PRIM1: variants seen among roughly 807,000 people sequenced by gnomAD.
PRIM1 encodes the protein DNA primase subunit 1, also known as DNA primase small subunit.
Under a neutral mutation model 60.2 loss-of-function variants are expected in PRIM1, and 38 were observed. The observed-to-expected ratio is 0.63, with a 90% confidence interval of 0.49 to 0.83. The LOEUF (loss-of-function observed/expected upper bound fraction) is 0.83. PRIM1 is among the 40% of genes least tolerant of loss of function. The pLI, the probability that PRIM1 is intolerant of heterozygous loss-of-function variation, is 0.00. For synonymous variants in PRIM1, 158 were observed against 160.2 expected, an observed-to-expected ratio of 0.99 and a Z score of 0.10; for missense variants, 388 against 506.2, an observed-to-expected ratio of 0.77 and a Z score of 2.24.
At chr12:56,750,065 G>T (rs1303964846) in intron 2 of PRIM1, among the ~76,000 whole-genome samples, 1 of 152,154 alleles carries the variant, frequency 6.6e-6, no homozygotes, top group Non-Finnish European at 1.5e-5. Flanking sequence ...ATAGAAATGG[G>T]TTTTAGGCAG....
intron 12 of PRIM1, 139 bp from the exon 13 acceptor site, chr12:56,731,873 C>T (rs938034997): frequency 8.7e-6 from 6 of 690,208 alleles, no homozygotes; most frequent in Middle Eastern, 2.9e-4. Context: ...TTGCTGAAGT[C>T]CACATCATAG....
At position 56,746,998 on chromosome 12, in the gene PRIM1, A is replaced by T. The variant is rs1341499146; in HGVS notation, c.296T>A (p.Phe99Tyr). The change falls in exon 3 of 13, where the codon TTC becomes TAC. Residue 99 changes from phenylalanine to tyrosine, a missense_variant. Transcript: ENST00000338193. Reference protein sequence around the residue: ...NQHNTVKLGAFQAQEKELVFD... With the variant: ...NQHNTVKLGAYQAQEKELVFD... ...TACCAGTTCTTTTTCCTGAGCCTGG[A>T]AAGCTCCCAGCTTCACTGTATTGTG... The T allele has an allele frequency of 6.2e-7, 1 of 1,613,672 alleles. No homozygotes were observed.
chr12:56,746,649 CACACACACACACACACACACACACACAA>C lies in PRIM1; in HGVS notation c.442+104_442+131del, dbSNP rs878953396. ...CGTCACACACACACACACACACACACACACACACACACACACACACACACACAAATTAATGAGATTTGATCACAAAATA... is the reference window on the plus strand; with the variant it reads ...CGTCACACACACACACACACACACACATTAATGAGATTTGATCACAAAATA... On this transcript the variant is annotated intron_variant, in intron 4 of 12. Coordinates refer to ENST00000338193, the MANE Select transcript of PRIM1 (RefSeq NM_000946.3). The C allele has an allele frequency of 1.2e-3, 827 of 705,646 alleles. 10 individuals are homozygous for C. In the South Asian group the frequency reaches 0.013, roughly 11 times the overall value. 43.7% of individuals were successfully genotyped at this position (705,646 alleles called of 1,614,324 possible). A position where few individuals can be genotyped will look rare whatever the true frequency, so the allele number is the denominator to read the frequency against.
chr12:56,740,162 A>G (rs1037153674), intron 9 of PRIM1, among the ~76,000 whole-genome samples: 9 of 151,884 alleles, frequency 5.9e-5, no homozygotes, highest in Non-Finnish European at 8.8e-5. Context: ...AAAAAAACAA[A>G]AACAAAAACC....
chr12:56,740,368 A>G (rs970740336), intron 9 of PRIM1, among the ~76,000 whole-genome samples: 2 of 101,114 alleles, frequency 2.0e-5, no homozygotes, highest in African/African-American at 5.7e-5. Flanking sequence ...TTTGAGATCA[A>G]TACAGATACC....
intron 11 of PRIM1, 101 bp from the exon 12 acceptor site, chr12:56,734,346 T>C (rs1592330952): frequency 4.5e-6 from 3 of 663,234 alleles, no homozygotes; most frequent in East Asian, 2.7e-5. Flanking sequence ...GGCTGCCCAA[T>C]TGAAATATGA....
rs1194932333 is a variant in PRIM1, at chr12:56,743,071, A to AT, written c.663dup (p.Tyr222IlefsTer3). The AT allele has an allele frequency of 6.5e-7, 1 of 1,527,232 alleles. No homozygotes were observed. The highest frequency in any genetic ancestry group is 1.3e-5 in the South Asian group (1 of 78,062). 94.6% of individuals were successfully genotyped at this position (1,527,232 alleles called of 1,614,324 possible). ...TTAACCAAGGCATATTCTTCAAAGT[A>AT]TTTTTTTATTATGTTTATAGATTTT... On this transcript the variant is annotated frameshift_variant, in exon 7 of 13. Coordinates refer to ENST00000338193, the MANE Select transcript of PRIM1 (RefSeq NM_000946.3). LOFTEE classifies it high-confidence loss of function.
intron 9 of PRIM1, 61 bp from the exon 10 acceptor site, chr12:56,739,424 C>A: frequency 1.7e-6 from 2 of 1,169,710 alleles, no homozygotes; most frequent in Non-Finnish European, 2.4e-6. Context: ...TAGTCATCTC[C>A]TACAGGTTAT....
chr12:56,743,871 T>G, intron 6 of PRIM1, 194 bp downstream of exon 6: 1 of 449,268 alleles, frequency 2.2e-6, no homozygotes, highest in Non-Finnish European at 4.0e-6. Context: ...CTTGTGGGGT[T>G]TTTTTGAAGA....
intron 10 of PRIM1, 38 bp downstream of exon 10, chr12:56,739,256 A>T (rs1358166603): frequency 7.2e-7 from 1 of 1,394,328 alleles, no homozygotes; most frequent in East Asian, 2.5e-5. Context: ...TCATAACAAC[A>T]ATTACAAACA....
In PRIM1 at chr12:56,738,485, C is replaced by T. The variant is rs370839892; in HGVS notation, c.1093G>A (p.Glu365Lys). The T allele has an allele frequency of 4.0e-5, 64 of 1,587,122 alleles. No homozygotes were observed. Among genetic ancestry groups the T allele is most frequent in the East Asian group, 2.3e-5 (1 of 44,234 alleles). The change falls in exon 11 of 13, where the codon GAG (glutamate) becomes AAG (lysine). Residue 365 changes from glutamate to lysine, a missense_variant. Physicochemically the swap from Glu to Lys is moderately conservative, Grantham distance 56. This residue lies in a region of PRIM1 where 211 missense variants were observed against 277.9 expected (regional missense o/e 0.76). Coordinates refer to ENST00000338193, the MANE Select transcript of PRIM1 (RefSeq NM_000946.3). ...RELDAISTNE[E>K]EKEENEAESD... ...TCAGCTTCATTCTCCTCTTTTTCCT[C>T]TTCATTAGTGGAAATGGCATCCAAT...
chr12:56,741,150 C>T (rs1270951515), intron 9 of PRIM1, among the ~76,000 whole-genome samples: 1 of 152,002 alleles, frequency 6.6e-6, no homozygotes, highest in Non-Finnish European at 1.5e-5. Flanking sequence ...GGATGGGTTA[C>T]ATCTTGGGCC....
At position 56,731,631 on chromosome 12, in the gene PRIM1, G is replaced by A; in HGVS notation, c.*84C>T. 8.1e-7 allele frequency: 1 copy of A among 1,233,538 alleles called. No individual in the cohort carries two copies. Among genetic ancestry groups the A allele is most frequent in the Non-Finnish European group, 1.1e-6 (1 of 879,010 alleles). The allele number at this position is 1,233,538 out of a possible 1,614,324, so 76.4% of individuals were successfully genotyped here. A position where few individuals can be genotyped will look rare whatever the true frequency, so the allele number is the denominator to read the frequency against. ...AGGTTTAAGACACATATATAGTTCT[G>A]CCATATTTATTAAATGGCTCTTGAA... On this transcript the variant is annotated 3_prime_UTR_variant, in exon 13 of 13. Coordinates refer to ENST00000338193, the MANE Select transcript of PRIM1 (RefSeq NM_000946.3).
intron 11 of PRIM1, among the ~76,000 whole-genome samples, chr12:56,734,702 C>G (rs1471158511): frequency 6.6e-6 from 1 of 150,400 alleles, no homozygotes; most frequent in Non-Finnish European, 1.5e-5. Flanking sequence ...TGCCACCATG[C>G]CCAGCTAAAA....
chr12:56,731,991 C>G (rs1953788297), intron 12 of PRIM1, among the ~76,000 whole-genome samples: 1 of 152,168 alleles, frequency 6.6e-6, no homozygotes, highest in African/African-American at 2.4e-5. Flanking sequence ...ATCCAATAAT[C>G]ACACATATGA....
At chr12:56,738,212 G>C (rs1001294213) in intron 11 of PRIM1, among the ~76,000 whole-genome samples, 2 of 152,204 alleles carry the variant, frequency 1.3e-5, no homozygotes, top group African/African-American at 4.8e-5. Flanking sequence ...TTACAGTATA[G>C]ATCCTAGCAT....
rs752512204 is a variant in PRIM1 at position 56,744,090 on chromosome 12, T to A, written c.613A>T (p.Ser205Cys). Residue 205 changes from serine (S) to cysteine (C), a missense_variant, in exon 6 of 13, where the codon AGT (serine) becomes TGT (cysteine). Ser to Cys is a moderately radical substitution (Grantham distance 112). Transcript: ENST00000338193. ...CTGATAAAAGGGTGAATTTTTTCAC[T>A]TAGGTGAACTTTCTTTTTAACGTCT... ...GQDVKKKVHL[S>C]EKIHPFIRKS... 1.1e-5 allele frequency: 17 copies of A among 1,571,860 alleles called. No individual in the cohort carries two copies. In the African/African-American group the frequency reaches 2.2e-4, roughly 20 times the overall value.
intron 11 of PRIM1, among the ~76,000 whole-genome samples, chr12:56,736,564 C>T (rs1442799492): frequency 2.7e-5 from 4 of 149,832 alleles, no homozygotes; most frequent in Non-Finnish European, 4.4e-5. Context: ...AGTGCAGTGG[C>T]GCAACTTCAG....
intron 11 of PRIM1, among the ~76,000 whole-genome samples, chr12:56,734,576 T>G (rs1159884399): frequency 6.6e-6 from 1 of 151,426 alleles, no homozygotes; most frequent in Non-Finnish European, 1.5e-5. Flanking sequence ...ATTTTTTTTT[T>G]TTTTTTGGTA....
Sources: allele counts gnomAD v4.1 joint callset (sites outside exome capture counted in the v4.1 genomes callset), GRCh38; gene constraint gnomAD v4.1.1; regional missense constraint gnomAD v4.1.1; transcripts MANE v1.5; gene names NCBI Gene and HGNC (gene_info 2026-07-23, HGNC 2026-07-21).